The following CDH13 variants were observed in gnomAD, a reference collection of about 807,000 sequenced individuals.
The protein encoded by CDH13 is cadherin 13, also known as cadherin-13.
CDH13 carries 24 observed loss-of-function variants against 63.8 expected under a neutral mutation model. The observed-to-expected ratio is 0.38, with a 90% CI of 0.27 to 0.53. CDH13 has a LOEUF of 0.53. CDH13 is among the 20% of genes least tolerant of loss of function. The pLI is 0.85. For synonymous variants in CDH13, 503 were observed against 355.3 expected (o/e 1.42, Z -4.67); for missense variants, 1,049 against 903.1 (o/e 1.16, Z -2.07).
chr16:83,191,484 TA>T, intron 4 of CDH13, among the ~76,000 whole-genome samples: 1 of 109,624 alleles, frequency 9.1e-6, no homozygotes, highest in East Asian at 2.2e-4. Flanking sequence ...TATATATATA[TA>T]TATGCACATA....
chr16:83,598,845 C>A (rs1160302427), intron 7 of CDH13, among the ~76,000 whole-genome samples: 2 of 152,166 alleles, frequency 1.3e-5, no homozygotes, highest in Non-Finnish European at 2.9e-5. Flanking sequence ...CAGATGGATG[C>A]CCTAACCACC....
intron 6 of CDH13, among the ~76,000 whole-genome samples, chr16:83,443,738 AT>A (rs1567676254): frequency 0.18 from 2,545 of 14,266 alleles, 127 homozygotes; most frequent in African/African-American, 0.33. Context: ...AAAAAAAAAT[AT>A]ATATATATAT....
chr16:83,621,734 G>A lies in CDH13; in HGVS notation c.1101+19140G>A, dbSNP rs759661212. On this transcript the variant is annotated intron_variant, in intron 8 of 13. Transcript: ENST00000567109. ...GCTCTTAACCTGAAGTGATCCACCC[G>A]CCTCGGCCTCCCAAAGTGCCGGTAT... 7.9e-5 allele frequency among the ~76,000 whole-genome samples: 12 copies of A among 151,170 alleles called. No individual in the cohort carries two copies. In the South Asian group the frequency reaches 8.4e-4, roughly 11 times the overall value.
rs897402802 is a variant in CDH13, at chr16:83,094,190, C to T, written c.367-31195C>T. On this transcript the variant is annotated intron_variant, in intron 3 of 13. Transcript: ENST00000567109. ...AGTAGAAAATGGAGAAGCTCCCAGG[C>T]AAGGCCAACAACGCCTGGTCTGTGC... Among the ~76,000 whole-genome samples the T allele has an allele frequency of 2.0e-5, 3 of 152,186 alleles. No homozygotes were observed. The South Asian group carries it at 6.2e-4, about 32-fold the overall frequency.
rs116642809 is a variant in CDH13, at chr16:83,320,212, C to T, written c.637-24650C>T. On this transcript the variant is annotated intron_variant, in intron 5 of 13. Transcript: ENST00000567109. ...GCCCCACTATGCCTGGATAATTGTT[C>T]CTTTTTTTTTTTTGGTAGAAACAGG... 4.2e-3 allele frequency among the ~76,000 whole-genome samples: 633 copies of T among 149,676 alleles called. 8 individuals carry two copies. Among genetic ancestry groups the T allele is most frequent in the African/African-American group, 0.015 (599 of 41,112 alleles).
intron 1 of CDH13, among the ~76,000 whole-genome samples, chr16:82,628,825 G>T (rs1907669474): frequency 6.6e-6 from 1 of 152,234 alleles, no homozygotes; most frequent in South Asian, 2.1e-4. Flanking sequence ...GATTCAGACA[G>T]ATCCTTCCTG....
intron 7 of CDH13, among the ~76,000 whole-genome samples, chr16:83,591,263 A>C (rs1906717739): frequency 6.6e-6 from 1 of 152,214 alleles, no homozygotes; most frequent in Non-Finnish European, 1.5e-5. Context: ...CGTACCTGCT[A>C]TGTACCAGGC....
At chr16:82,872,638 C>A (rs965141828) in intron 2 of CDH13, among the ~76,000 whole-genome samples, 1 of 152,112 alleles carries the variant, frequency 6.6e-6, no homozygotes, top group Non-Finnish European at 1.5e-5. Flanking sequence ...TTCTTTTCAC[C>A]TTAATGTTGA....
chr16:82,751,393 C>T (rs894025585), intron 1 of CDH13, among the ~76,000 whole-genome samples: 1 of 152,102 alleles, frequency 6.6e-6, no homozygotes, highest in African/African-American at 2.4e-5. Flanking sequence ...CACAGACAGC[C>T]CCACCTCCTC....
At chr16:82,741,226 C>G (rs1379494615) in intron 1 of CDH13, among the ~76,000 whole-genome samples, 1 of 152,196 alleles carries the variant, frequency 6.6e-6, no homozygotes, top group Non-Finnish European at 1.5e-5. Context: ...TTACAATAAC[C>G]TTCACAGTGT....
At chr16:83,368,558 G>C (rs1306810239) in intron 6 of CDH13, among the ~76,000 whole-genome samples, 1 of 151,616 alleles carries the variant, frequency 6.6e-6, no homozygotes, top group Non-Finnish European at 1.5e-5. Context: ...GGGAACAGGT[G>C]GTGTTTGGTT....
chr16:82,687,600 A>G (rs1915208872), intron 1 of CDH13, among the ~76,000 whole-genome samples: 1 of 152,170 alleles, frequency 6.6e-6, no homozygotes, highest in South Asian at 2.1e-4. Context: ...CTTATTCACT[A>G]TCACAAGAAC....
intron 1 of CDH13, among the ~76,000 whole-genome samples, chr16:82,691,247 G>A (rs1915615853): frequency 1.3e-5 from 2 of 152,196 alleles, no homozygotes. Context: ...CAGGTACTGT[G>A]CACCTCAGAG....
Position 83,047,989 on chromosome 16 carries a change from C to G in CDH13, c.366+15771C>G, listed in dbSNP as rs149701714. ...TCAGACTCCTCAAAAAAACATTTAA[C>G]AAAATATGTTATCTTTTTTGTCACA... On this transcript the variant is annotated intron_variant, in intron 3 of 13. Transcript: ENST00000567109. The surrounding 1 kb of genome is among the most constrained non-coding windows in gnomAD (Gnocchi z 4.9). 3.1e-3 allele frequency among the ~76,000 whole-genome samples: 473 copies of G among 152,192 alleles called. 7 individuals carry two copies. The highest frequency in any genetic ancestry group is 0.011 in the African/African-American group (449 of 41,534).
At chr16:82,796,072 T>C (rs2036568950) in intron 1 of CDH13, among the ~76,000 whole-genome samples, 2 of 152,100 alleles carry the variant, frequency 1.3e-5, no homozygotes, top group African/African-American at 2.4e-5. Context: ...TGGCACTTAC[T>C]GGTTCATGTC....
chr16:83,302,902 G>T (rs542331200), intron 5 of CDH13, among the ~76,000 whole-genome samples: 2 of 152,326 alleles, frequency 1.3e-5, no homozygotes, highest in Non-Finnish European at 2.9e-5. Flanking sequence ...AAACTGGGAG[G>T]TCAGAGGAAG....
At chr16:83,382,544 C>A (rs56255945) in intron 6 of CDH13, among the ~76,000 whole-genome samples, 20,498 of 152,028 alleles carry the variant, frequency 0.13, 1,469 homozygotes, top group Middle Eastern at 0.16. Flanking sequence ...TCTGCCTCCC[C>A]AAGTACACCC....
intron 8 of CDH13, among the ~76,000 whole-genome samples, chr16:83,660,281 G>A (rs906564139): frequency 2.0e-5 from 3 of 152,144 alleles, no homozygotes; most frequent in Non-Finnish European, 4.4e-5. Context: ...TGGGATCCCT[G>A]AGCTTGTTTT....
chr16:83,111,949 G>A (rs772742988), intron 3 of CDH13, among the ~76,000 whole-genome samples: 12 of 152,112 alleles, frequency 7.9e-5, no homozygotes, highest in Non-Finnish European at 1.5e-4. Context: ...CTATATCAAG[G>A]AAGTGAAAAA....
Sources: allele counts gnomAD v4.1 joint callset (sites outside exome capture counted in the v4.1 genomes callset), GRCh38; gene constraint gnomAD v4.1.1; non-coding constraint Gnocchi (gnomAD v3.1); transcripts MANE v1.5; gene names NCBI Gene and HGNC (gene_info 2026-07-23, HGNC 2026-07-21).